The following PTPRS variants were observed in gnomAD, a reference collection of about 807,000 sequenced individuals.
PTPRS encodes the protein receptor-type tyrosine-protein phosphatase S.
PTPRS carries 63 observed loss-of-function variants against 215.3 expected under a neutral mutation model. The ratio of observed to expected loss-of-function variants is 0.29; its 90% confidence interval spans 0.24 to 0.36. PTPRS has a LOEUF of 0.36. Ranked by LOEUF, PTPRS falls within the 10% of genes least tolerant of loss-of-function variation. PTPRS has a pLI of 1.00. For synonymous variants in PTPRS, 1,404 were observed against 1,191.4 expected, an observed-to-expected ratio of 1.18 and a Z score of -3.68; for missense variants, 2,258 against 2,825.8, an observed-to-expected ratio of 0.80 and a Z score of 4.56.
intron 17 of PTPRS, among the ~76,000 whole-genome samples, chr19:5,224,468 C>G (rs1375911942): frequency 3.3e-5 from 5 of 152,184 alleles, no homozygotes; most frequent in Non-Finnish European, 7.3e-5. Context: ...ATAAAGAAAT[C>G]CAAAATCCGC....
chr19:5,327,071 C>T (rs917088097), intron 1 of PTPRS, among the ~76,000 whole-genome samples: 1 of 152,310 alleles, frequency 6.6e-6, no homozygotes, highest in African/African-American at 2.4e-5. Context: ...TAGCCCCGCT[C>T]GCACTCCCAG....
rs116545788 is a variant in PTPRS at position 5,219,959 on chromosome 19, C to T, written c.3745G>A (p.Val1249Met). The T allele has an allele frequency of 2.8e-4, 457 of 1,613,810 alleles. 1 individual carries two copies. The African/African-American group carries it at 4.0e-3, about 14-fold the overall frequency. The change falls in exon 22 of 38, where the codon GTG (valine) becomes ATG (methionine). Residue 1249 changes from valine to methionine, a missense_variant. Val to Met is a conservative substitution (Grantham distance 21). Transcript: ENST00000262963. ...GHRYVLFVLA[V>M]LQKSEPTFAA... Reference sequence around the variant, plus strand: ...CTTACAGGCTCGCTCTTCTGAAGCACGGCAAGCACGAAGAGGACATAGCGG... The same window carrying T: ...CTTACAGGCTCGCTCTTCTGAAGCATGGCAAGCACGAAGAGGACATAGCGG...
chr19:5,313,392 T>A (rs2049770710), intron 1 of PTPRS, among the ~76,000 whole-genome samples: 1 of 152,082 alleles, frequency 6.6e-6, no homozygotes, highest in Non-Finnish European at 1.5e-5. Context: ...CAGGGATGGG[T>A]TGGACAATGC....
Position 5,208,903 on chromosome 19 carries a change from C to G in PTPRS, c.5488-512G>C, listed in dbSNP as rs190774774. ...CCATGATCCTCTGTCATCTTCCACT[C>G]TGTGCCATTTCGGGGCCCTACAGCA... On this transcript the variant is annotated intron_variant, in intron 35 of 37. Coordinates refer to ENST00000262963, the MANE Select transcript of PTPRS (RefSeq NM_002850.4). 3.9e-5 allele frequency among the ~76,000 whole-genome samples: 6 copies of G among 152,312 alleles called. No individual in the cohort carries two copies. In the East Asian group the frequency reaches 7.7e-4, roughly 20 times the overall value.
intron 9 of PTPRS, 34 bp from the exon 10 acceptor site, chr19:5,246,079 G>C: frequency 7.6e-7 from 1 of 1,308,832 alleles, no homozygotes; most frequent in Non-Finnish European, 1.0e-6. Flanking sequence ...GCGGGAGGGA[G>C]ATGCGAGGGG....
chr19:5,273,415 C>T (rs752992384), intron 4 of PTPRS, 27 bp downstream of exon 4: 1 of 1,613,936 alleles, frequency 6.2e-7, no homozygotes, highest in South Asian at 1.1e-5. Context: ...CCAGTTTATC[C>T]TCCGCCCGCC....
chr19:5,245,279 C>T (rs895157084), intron 10 of PTPRS, among the ~76,000 whole-genome samples: 66 of 144,330 alleles, frequency 4.6e-4, no homozygotes, highest in African/African-American at 9.1e-4. Flanking sequence ...CGTGAGCCAC[C>T]GCGCCTGGCC....
At chr19:5,252,878 A>T (rs965040369) in intron 9 of PTPRS, among the ~76,000 whole-genome samples, 1 of 149,878 alleles carries the variant, frequency 6.7e-6, no homozygotes, top group African/African-American at 2.5e-5. Flanking sequence ...CATCTCAAAA[A>T]AAAAAAAAAA....
chr19:5,323,091 T>C (rs1344874214), intron 1 of PTPRS, among the ~76,000 whole-genome samples: 1 of 151,958 alleles, frequency 6.6e-6, no homozygotes, highest in African/African-American at 2.4e-5. Flanking sequence ...GAGAGGTGGC[T>C]CACGCCTCTA....
intron 33 of PTPRS, 47 bp downstream of exon 33, chr19:5,211,543 G>C (rs202165573): frequency 8.9e-6 from 14 of 1,569,734 alleles, no homozygotes; most frequent in Non-Finnish European, 1.0e-5. Context: ...TGAGAGTAGA[G>C]ATGGGCTCCT....
At chr19:5,302,503 T>C (rs2049332250) in intron 1 of PTPRS, among the ~76,000 whole-genome samples, 1 of 152,196 alleles carries the variant, frequency 6.6e-6, no homozygotes, top group South Asian at 2.1e-4. Flanking sequence ...AGAAACATTG[T>C]TACAATGAAA....
rs369248627 is a variant in PTPRS at position 5,255,086 on chromosome 19, C to A, written c.718+1022G>T. ...GCCTGGGTTTGGGCTTATTTGGGAG[C>A]GCAGGAGGCAGTCTCATTCTGAGGT... On this transcript the variant is annotated intron_variant, in intron 9 of 37. Coordinates refer to ENST00000262963, the MANE Select transcript of PTPRS (RefSeq NM_002850.4). 1.3e-5 allele frequency among the ~76,000 whole-genome samples: 2 copies of A among 152,202 alleles called. 1 individual carries two copies. The highest frequency in any genetic ancestry group is 4.1e-4 in the South Asian group (2 of 4,834).
chr19:5,247,262 C>A (rs530340154), intron 9 of PTPRS, among the ~76,000 whole-genome samples: 1 of 151,656 alleles, frequency 6.6e-6, no homozygotes, highest in Non-Finnish European at 1.5e-5. Context: ...GTTGAGAGAA[C>A]AGGGACATGT....
At chr19:5,309,161 G>C (rs567030536) in intron 1 of PTPRS, among the ~76,000 whole-genome samples, 5 of 151,944 alleles carry the variant, frequency 3.3e-5, no homozygotes, top group East Asian at 2.0e-4. Flanking sequence ...AGGAAGGGGG[G>C]GTTGGCTGGC....
intron 10 of PTPRS, among the ~76,000 whole-genome samples, chr19:5,245,002 C>G (rs770251363): frequency 8.2e-6 from 1 of 121,298 alleles, no homozygotes; most frequent in Non-Finnish European, 1.6e-5. Context: ...TTTTTTTAGA[C>G]GGAGCCTTGC....
At chr19:5,253,700 C>T (rs1001327388) in intron 9 of PTPRS, among the ~76,000 whole-genome samples, 1 of 152,122 alleles carries the variant, frequency 6.6e-6, no homozygotes, top group Non-Finnish European at 1.5e-5. Flanking sequence ...TTAGCTTCTG[C>T]CCTACAATTA....
chr19:5,217,042 C>G (rs2041540671), intron 25 of PTPRS, among the ~76,000 whole-genome samples: 1 of 152,198 alleles, frequency 6.6e-6, no homozygotes, highest in Non-Finnish European at 1.5e-5. Context: ...ATCCCCTCCC[C>G]CAGACCAGCC....
chr19:5,233,073 T>C (rs1337078275), intron 13 of PTPRS, among the ~76,000 whole-genome samples: 1 of 151,792 alleles, frequency 6.6e-6, no homozygotes, highest in Non-Finnish European at 1.5e-5. Flanking sequence ...GTACCTAGTA[T>C]GTGCCAGGAA....
intron 1 of PTPRS, among the ~76,000 whole-genome samples, chr19:5,330,523 G>A (rs1401121237): frequency 2.0e-5 from 3 of 152,218 alleles, no homozygotes; most frequent in African/African-American, 4.8e-5. Flanking sequence ...CACCCCTAAC[G>A]GTTCACGAAG....
Sources: gnomAD v4.1 joint callset for allele counts (sites outside exome capture counted in the v4.1 genomes callset) on GRCh38, gnomAD v4.1.1 for gene constraint, MANE v1.5 for transcripts, NCBI Gene and HGNC (gene_info 2026-07-23, HGNC 2026-07-21) for gene names.